The following CCDC187 variants were observed in gnomAD, a reference collection of about 807,000 sequenced individuals.
CCDC187 encodes the protein coiled-coil domain containing 187, also known as coiled-coil domain-containing protein 187.
In CCDC187, 32 loss-of-function variants were observed where a neutral mutation model predicts 38.0. That is an observed-to-expected ratio of 0.84 (90% CI 0.64 to 1.13). The LOEUF (loss-of-function observed/expected upper bound fraction) is 1.13. Among genes scored for constraint, CCDC187 ranks in the 50% most tolerant of loss-of-function variants. The probability of loss-of-function intolerance (pLI) is 0.00; values close to 1 mark genes in which losing one functional copy is unlikely to be tolerated. For synonymous variants in CCDC187, 333 were observed against 347.9 expected, an observed-to-expected ratio of 0.96 and a Z score of 0.48; for missense variants, 707 against 786.8, an observed-to-expected ratio of 0.90 and a Z score of 1.21.
chr9:136,291,478 G>T lies in CCDC187; in HGVS notation c.1135C>A (p.Arg379Ser), dbSNP rs964937549. ...QTAMAILQDL[R>S]QQIQAGLELA... ...TCCAGCCCAGCCTGGATTTGCTGGC[G>T]CAGGTCTTGTAGGATGGCCATGGCC... Residue 379 changes from arginine to serine, a missense_variant, in exon 6 of 26, where the codon CGC becomes AGC. Physicochemically the swap from Arg to Ser is moderately radical, Grantham distance 110. Coordinates refer to ENST00000638797, the MANE Select transcript of CCDC187 (RefSeq NM_001378188.1). 1 of 398,626 alleles carries T rather than the reference G, an allele frequency of 2.5e-6. No homozygotes were observed. The highest frequency in any genetic ancestry group is 4.4e-6 in the Non-Finnish European group (1 of 226,140). The allele number at this position is 398,626 out of a possible 1,614,324, so 24.7% of individuals were successfully genotyped here.
At chr9:136,295,002 G>A (rs1421303972) in intron 4 of CCDC187, among the ~76,000 whole-genome samples, 1 of 152,220 alleles carries the variant, frequency 6.6e-6, no homozygotes, top group Non-Finnish European at 1.5e-5. Flanking sequence ...CTGTAAAATG[G>A]GGTGCCTATC....
At position 136,260,278 on chromosome 9, in the gene CCDC187, C is replaced by A; in HGVS notation, c.4065-14G>T. On this transcript the variant is annotated splice_polypyrimidine_tract_variant and intron_variant, in intron 19 of 25. Coordinates refer to ENST00000638797, the MANE Select transcript of CCDC187 (RefSeq NM_001378188.1). ...TCAGTGGGAGGGCTGCACGGCCATG[C>A]AGAGTGGAGGTGACCGCCCGCCCGG... 2 of 985,086 alleles carry A rather than the reference C, an allele frequency of 2.0e-6. No individual in the cohort carries two copies. Among genetic ancestry groups the A allele is most frequent in the Non-Finnish European group, 2.4e-6 (2 of 829,940 alleles). 61.0% of individuals were successfully genotyped at this position (985,086 alleles called of 1,614,324 possible).
chr9:136,275,162 G>C (rs1830908620), intron 12 of CCDC187, among the ~76,000 whole-genome samples, 155 bp from the exon 13 acceptor site: 1 of 152,198 alleles, frequency 6.6e-6, no homozygotes, highest in South Asian at 2.1e-4. Flanking sequence ...CATCCTGCAA[G>C]TGGGGCCGAC....
chr9:136,255,126 C>T lies in CCDC187; in HGVS notation c.4702G>A (p.Val1568Met). 1 of 985,574 alleles carries T rather than the reference C, an allele frequency of 1.0e-6. No individual in the cohort carries two copies. The highest frequency in any genetic ancestry group is 1.2e-6 in the Non-Finnish European group (1 of 830,042). 61.1% of individuals were successfully genotyped at this position (985,574 alleles called of 1,614,324 possible). Reference sequence around the variant, plus strand: ...GGGGGCGCCGCCTCCTCAGGGACCACAGGAGCTGCTAAGAGAGGGGGCAAT... The same window carrying T: ...GGGGGCGCCGCCTCCTCAGGGACCATAGGAGCTGCTAAGAGAGGGGGCAAT... ...AQAAASPAAP[V>M]VPEEAAPPIL... is the part of the protein sequence containing the mutation. The change falls in exon 26 of 26, where the codon GTG (valine) becomes ATG (methionine). Residue 1568 changes from valine (V) to methionine (M), a missense_variant. By Grantham distance (21) the Val-to-Met change is conservative. Coordinates refer to ENST00000638797, the MANE Select transcript of CCDC187 (RefSeq NM_001378188.1).
chr9:136,275,918 A>G (rs1830922993), intron 12 of CCDC187, among the ~76,000 whole-genome samples: 1 of 152,132 alleles, frequency 6.6e-6, no homozygotes, highest in East Asian at 1.9e-4. Flanking sequence ...TGGGACACGG[A>G]CAGGTGGGAG....
intron 14 of CCDC187, among the ~76,000 whole-genome samples, chr9:136,268,605 C>T (rs1400594508): frequency 2.6e-5 from 4 of 152,182 alleles, no homozygotes; most frequent in African/African-American, 9.7e-5. Context: ...TCCTTAAGGA[C>T]GTTCCCTCCC....
In CCDC187 at chr9:136,252,410, C is replaced by T; in HGVS notation, c.*1184G>A. The T allele has an allele frequency of 5.0e-6, 1 of 199,338 alleles. No individual in the cohort carries two copies. The highest frequency in any genetic ancestry group is 1.0e-5 in the Non-Finnish European group (1 of 95,622). The allele number at this position is 199,338 out of a possible 1,614,324, so 12.3% of individuals were successfully genotyped here. On this transcript the variant is annotated 3_prime_UTR_variant, in exon 26 of 26. Coordinates refer to ENST00000638797, the MANE Select transcript of CCDC187 (RefSeq NM_001378188.1). ...AGGTCCAGGCAACCGTCCCGCACAG[C>T]CGGCCGCCCACCCTGTCCACCGGGG...
rs917271355 is a variant in CCDC187 at position 136,281,587 on chromosome 9, C to T, written c.3004G>A (p.Ala1002Thr). 204 of 398,550 alleles carry T rather than the reference C, an allele frequency of 5.1e-4. 2 individuals carry two copies. The highest frequency in any genetic ancestry group is 3.9e-3 in the African/African-American group (190 of 48,738). The allele number at this position is 398,550 out of a possible 1,614,324, so 24.7% of individuals were successfully genotyped here. A position where few individuals can be genotyped will look rare whatever the true frequency, so the allele number is the denominator to read the frequency against. ...GGGGTGCAGGGCGCCACAGAATCTG[C>T]CCCTCCGACCGACGGCGTCTCCTCC... The part of the protein sequence containing the change: ...GLEETPSVGG[A>T]DSVAPCTPRS... The change falls in exon 10 of 26, where the codon GCA becomes ACA. Residue 1002 changes from alanine (A) to threonine (T), a missense_variant. Physicochemically the swap from Ala to Thr is moderately conservative, Grantham distance 58. Transcript: ENST00000638797.
At chr9:136,286,776 T>A (rs1831192720) in intron 7 of CCDC187, 81 bp from the exon 8 acceptor site, 1 of 398,068 alleles carries the variant, frequency 2.5e-6, no homozygotes, top group Admixed American at 4.4e-5. Flanking sequence ...GTTTTGCAGG[T>A]GTGAGCGTCA....
At chr9:136,267,274 CACGGGCGGG>C (rs1218218219) in intron 16 of CCDC187, 101 bp downstream of exon 16, 27 of 781,222 alleles carry the variant, frequency 3.5e-5, no homozygotes, top group Non-Finnish European at 3.6e-5. Context: ...CTGTCGGGGC[CACGGGCGGG>C]ACCCGGACGG....
intron 7 of CCDC187, among the ~76,000 whole-genome samples, chr9:136,289,449 G>A (rs953006277): frequency 6.7e-6 from 1 of 149,686 alleles, no homozygotes; most frequent in South Asian, 2.1e-4. Flanking sequence ...AACCTGGGAG[G>A]TGGAGGTTGC....
Position 136,268,718 on chromosome 9 carries a change from GAT to G in CCDC187, c.3443-595_3443-594del, listed in dbSNP as rs562324839. Among the ~76,000 whole-genome samples the G allele has an allele frequency of 3.1e-3, 469 of 152,298 alleles. 8 individuals are homozygous for G. The highest frequency in any genetic ancestry group is 2.9e-3 in the Non-Finnish European group (198 of 68,030). On this transcript the variant is annotated intron_variant, in intron 14 of 25. Coordinates refer to ENST00000638797, the MANE Select transcript of CCDC187 (RefSeq NM_001378188.1). ...ACACACACATGTGTGTTTATATAGA[GAT>G]ATGTGTGTGTATACATATATATATA...
At chr9:136,285,408 A>G (rs1337182796) in intron 9 of CCDC187, 105 bp downstream of exon 9, 44 of 305,368 alleles carry the variant, frequency 1.4e-4, no homozygotes, top group Non-Finnish European at 1.7e-5. Context: ...AGTGAGAGGC[A>G]GCCCGTGAGC....
In CCDC187 at chr9:136,268,041, C is replaced by G. The variant is rs185341235; in HGVS notation, c.3519+8G>C. On this transcript the variant is annotated splice_region_variant and intron_variant, in intron 15 of 25. Transcript: ENST00000638797. ...TGTGCCTCTCCCCCAGGGGACCTCT[C>G]CACGTACCTGGTGGGTGGGGTTGTC... The G allele has an allele frequency of 1.0e-6, 1 of 985,462 alleles. No individual in the cohort carries two copies. The highest frequency in any genetic ancestry group is 1.2e-6 in the Non-Finnish European group (1 of 829,952). 61.0% of individuals were successfully genotyped at this position (985,462 alleles called of 1,614,324 possible). A position where few individuals can be genotyped will look rare whatever the true frequency, so the allele number is the denominator to read the frequency against.
At chr9:136,283,433 C>T (rs1831094622) in intron 9 of CCDC187, among the ~76,000 whole-genome samples, 1 of 152,232 alleles carries the variant, frequency 6.6e-6, no homozygotes, top group Non-Finnish European at 1.5e-5. Flanking sequence ...AGGCCAGGCC[C>T]CTTTCCTGGC....
chr9:136,294,075 C>G (rs1318818018), intron 4 of CCDC187, among the ~76,000 whole-genome samples: 1 of 151,410 alleles, frequency 6.6e-6, no homozygotes, highest in African/African-American at 2.4e-5. Flanking sequence ...CACACACTCA[C>G]ACGCTCATAT....
intron 4 of CCDC187, among the ~76,000 whole-genome samples, chr9:136,293,358 C>CAA (rs1831406938): frequency 6.9e-6 from 1 of 144,330 alleles, no homozygotes; most frequent in Non-Finnish European, 1.5e-5. Context: ...TGCTCACACA[C>CAA]ATTCACATGC....
At chr9:136,285,966 C>T (rs1831169531) in intron 8 of CCDC187, 119 bp downstream of exon 8, 1 of 397,538 alleles carries the variant, frequency 2.5e-6, no homozygotes, top group African/African-American at 2.1e-5. Context: ...CTGTTGTCCT[C>T]CTAGCCCCCT....
chr9:136,258,949 A>C lies in CCDC187; in HGVS notation c.4349T>G (p.Val1450Gly), dbSNP rs1479831944. The C allele has an allele frequency of 1.0e-6, 1 of 983,942 alleles. No individual in the cohort carries two copies. Among genetic ancestry groups the C allele is most frequent in the African/African-American group, 1.8e-5 (1 of 56,688 alleles). The allele number at this position is 983,942 out of a possible 1,614,324, so 61.0% of individuals were successfully genotyped here. Residue 1450 changes from valine (V) to glycine (G), a missense_variant, in exon 22 of 26, where the codon GTG becomes GGG. By Grantham distance (109) the Val-to-Gly change is moderately radical. Transcript: ENST00000638797. This position sits in a 1 kb window ranked among gnomAD's most constrained non-coding sequence, Gnocchi z 4.3. The part of the protein sequence containing the change: ...LPTAQCRSRE[V>G]KEPPPGDPQT... ...GTGCTTACCTGGGGGTGGCTCCTTCACCTCCCGAGACCTGCACTGAGCTGT... is the reference window on the plus strand; with the variant it reads ...GTGCTTACCTGGGGGTGGCTCCTTCCCCTCCCGAGACCTGCACTGAGCTGT...
Sources: gnomAD v4.1 joint callset for allele counts (sites outside exome capture counted in the v4.1 genomes callset) on GRCh38, gnomAD v4.1.1 for gene constraint, Gnocchi (gnomAD v3.1) non-coding constraint, MANE v1.5 for transcripts, NCBI Gene and HGNC (gene_info 2026-07-23, HGNC 2026-07-21) for gene names.